The following MALRD1 variants were observed in gnomAD, a reference collection of about 807,000 sequenced individuals.
MALRD1 encodes MAM and LDL receptor class A domain containing 1, also known as MAM and LDL-receptor class A domain-containing protein 1.
A neutral mutation model predicts 242.1 loss-of-function variants in MALRD1; 247 were observed. The observed-to-expected ratio is 1.02, with a 90% confidence interval of 0.92 to 1.13. The LOEUF (loss-of-function observed/expected upper bound fraction) is 1.13. Among genes scored for constraint, MALRD1 ranks in the 50% most tolerant of loss-of-function variants. MALRD1 has a pLI of 0.00. For missense variants in MALRD1, 2,989 were observed against 2,533.1 expected, an observed-to-expected ratio of 1.18 and a Z score of -3.86; for synonymous variants, 995 against 866.6, an observed-to-expected ratio of 1.15 and a Z score of -2.60.
intron 32 of MALRD1, among the ~76,000 whole-genome samples, chr10:19,541,789 G>A (rs1834984971): frequency 6.6e-6 from 1 of 152,122 alleles, no homozygotes; most frequent in South Asian, 2.1e-4. Flanking sequence ...GGGTGAATAG[G>A]TCTTGATAGC....
intron 12 of MALRD1, among the ~76,000 whole-genome samples, chr10:19,163,486 C>T (rs1834532177): frequency 6.8e-6 from 1 of 148,022 alleles, no homozygotes; most frequent in Non-Finnish European, 1.5e-5. Context: ...AAACAACAGA[C>T]ACGGGGGTCT....
At chr10:19,647,987 G>A (rs190626927) in intron 36 of MALRD1, among the ~76,000 whole-genome samples, 7 of 152,122 alleles carry the variant, frequency 4.6e-5, no homozygotes, top group Admixed American at 6.6e-5. Flanking sequence ...GGCACAGAAT[G>A]TAAGTGTCCA....
intron 38 of MALRD1, among the ~76,000 whole-genome samples, chr10:19,698,143 G>C (rs192226743): frequency 1.3e-5 from 2 of 152,254 alleles, no homozygotes; most frequent in South Asian, 4.1e-4. Context: ...CTTAACATAT[G>C]AGATATTAGT....
At position 19,734,165 on chromosome 10, in the gene MALRD1, C is replaced by G; in HGVS notation, c.6399C>G (p.Val2133=). The change falls in exon 40 of 40, where the codon GTC becomes GTG. Residue 2133 remains valine (V), a synonymous_variant. Coordinates refer to ENST00000454679, the MANE Select transcript of MALRD1 (RefSeq NM_001142308.3). ...GTGTTTTTCTTCGTCAGAGTTCTGT[C>G]TATTCCTTCTCAAACCCATTATATG... ...WSNPEKTESS[V]YSFSNPLYGT... is the part of the protein sequence containing the mutation. 1 of 1,534,934 alleles carries G rather than the reference C, an allele frequency of 6.5e-7. No homozygotes were observed. Among genetic ancestry groups the G allele is most frequent in the Non-Finnish European group, 8.7e-7 (1 of 1,146,388 alleles).
chr10:19,047,178 G>A (rs1344120384), upstream of MALRD1, among the ~76,000 whole-genome samples: 1 of 152,142 alleles, frequency 6.6e-6, no homozygotes, highest in Non-Finnish European at 1.5e-5. Context: ...CAGACAGGGT[G>A]ATTAATAGGT....
intron 36 of MALRD1, among the ~76,000 whole-genome samples, chr10:19,627,969 A>G (rs1275496872): frequency 6.6e-6 from 1 of 152,130 alleles, no homozygotes; most frequent in Non-Finnish European, 1.5e-5. Flanking sequence ...TCAAAACAAA[A>G]TTATGTAACA....
In MALRD1 at chr10:19,123,510, A is replaced by G. The variant is rs1383075890; in HGVS notation, c.713A>G (p.Gln238Arg). 1 of 1,233,442 alleles carries G rather than the reference A, an allele frequency of 8.1e-7. No homozygotes were observed. Among genetic ancestry groups the G allele is most frequent in the East Asian group, 3.2e-5 (1 of 31,706 alleles). 76.4% of individuals were successfully genotyped at this position (1,233,442 alleles called of 1,614,324 possible). A position where few individuals can be genotyped will look rare whatever the true frequency, so the allele number is the denominator to read the frequency against. ...LPANDGILLC[Q>R]EALNAERELC... ...TTAACAGATGGAATTTTACTGTGTC[A>G]AGAAGCATTGAATGCTGAGCGGGAG... is the stretch of plus-strand genomic sequence containing the variant. The change falls in exon 6 of 40, where the codon CAA (glutamine) becomes CGA (arginine). Residue 238 changes from glutamine (Q) to arginine (R), a missense_variant. By Grantham distance (43) the Gln-to-Arg change is conservative. Transcript: ENST00000454679.
chr10:19,416,298 G>C (rs933926415), intron 28 of MALRD1, among the ~76,000 whole-genome samples: 2 of 152,166 alleles, frequency 1.3e-5, no homozygotes, highest in Admixed American at 6.5e-5. Flanking sequence ...CCACAAATCA[G>C]CATTTCCACA....
chr10:19,499,724 A>T (rs934788357), intron 31 of MALRD1, among the ~76,000 whole-genome samples: 1 of 152,198 alleles, frequency 6.6e-6, no homozygotes, highest in Admixed American at 6.6e-5. Flanking sequence ...AAAGAACGAG[A>T]TTACATGGAA....
chr10:19,613,811 G>T (rs1458836141), intron 35 of MALRD1, among the ~76,000 whole-genome samples: 1 of 152,050 alleles, frequency 6.6e-6, no homozygotes, highest in African/African-American at 2.4e-5. Flanking sequence ...GCTGTCTTCA[G>T]TTCCTCAAAC....
intron 29 of MALRD1, among the ~76,000 whole-genome samples, chr10:19,456,286 G>A (rs1044505710): frequency 2.0e-5 from 3 of 152,096 alleles, no homozygotes; most frequent in Non-Finnish European, 4.4e-5. Flanking sequence ...AGATGTCTTA[G>A]GTGTTGTCTT....
chr10:19,551,365 A>G (rs184553804), intron 32 of MALRD1, among the ~76,000 whole-genome samples: 2 of 152,066 alleles, frequency 1.3e-5, no homozygotes, highest in Admixed American at 1.3e-4. Flanking sequence ...ATTTGTTGCT[A>G]TTGTGAATGG....
chr10:19,468,861 A>C (rs1836355834), intron 29 of MALRD1, among the ~76,000 whole-genome samples: 1 of 151,962 alleles, frequency 6.6e-6, no homozygotes, highest in Non-Finnish European at 1.5e-5. Flanking sequence ...TCCATGACAA[A>C]TGTATTTCTA....
At chr10:19,715,084 C>T (rs908966404) in intron 38 of MALRD1, among the ~76,000 whole-genome samples, 26 of 152,156 alleles carry the variant, frequency 1.7e-4, no homozygotes, top group East Asian at 3.9e-4. Context: ...GAAATTGCTA[C>T]GAAATTTATT....
At chr10:19,124,935 C>CTTTTTTTT (rs1173453764) in intron 7 of MALRD1, among the ~76,000 whole-genome samples, 5 of 52,594 alleles carry the variant, frequency 9.5e-5, no homozygotes, top group Non-Finnish European at 1.3e-4. Flanking sequence ...TATTAAAAGG[C>CTTTTTTTT]TTTTTTTTTT....
At chr10:19,414,007 T>G (rs1589041524) in intron 28 of MALRD1, among the ~76,000 whole-genome samples, 1 of 151,238 alleles carries the variant, frequency 6.6e-6, no homozygotes, top group Non-Finnish European at 1.5e-5. Flanking sequence ...GCATTCCTCA[T>G]AATTGATTCT....
At chr10:19,371,005 A>T (rs1321419773) in intron 26 of MALRD1, among the ~76,000 whole-genome samples, 1 of 147,706 alleles carries the variant, frequency 6.8e-6, no homozygotes, top group South Asian at 2.1e-4. Context: ...GTATTGTTGG[A>T]TAGGATATCC....
At chr10:19,186,551 G>A (rs116585413) in intron 14 of MALRD1, among the ~76,000 whole-genome samples, 2,802 of 152,244 alleles carry the variant, frequency 0.018, 88 homozygotes, top group African/African-American at 0.063. Flanking sequence ...TTCTTCCGCC[G>A]TTGAAAATTC....
At chr10:19,474,305 A>G (rs919077667) in intron 29 of MALRD1, among the ~76,000 whole-genome samples, 6 of 152,202 alleles carry the variant, frequency 3.9e-5, no homozygotes, top group Non-Finnish European at 8.8e-5. Context: ...AAATATAAGT[A>G]CATATACAGT....
Sources: allele counts gnomAD v4.1 joint callset (sites outside exome capture counted in the v4.1 genomes callset), GRCh38; gene constraint gnomAD v4.1.1; transcripts MANE v1.5; gene names NCBI Gene and HGNC (gene_info 2026-07-23, HGNC 2026-07-21).